RPL11: variants seen among roughly 807,000 people sequenced by gnomAD.
RPL11 encodes large ribosomal subunit protein uL5.
Under a neutral mutation model 24.1 loss-of-function variants are expected in RPL11, and 3 were observed. That is an observed-to-expected ratio of 0.12 (90% CI 0.06 to 0.32). The LOEUF is 0.32. Ranked by LOEUF, RPL11 falls within the 10% of genes least tolerant of loss-of-function variation. The pLI, the probability that RPL11 is intolerant of heterozygous loss-of-function variation, is 1.00. For synonymous variants in RPL11, 96 were observed against 75.7 expected (o/e 1.27, Z -1.39); for missense variants, 146 against 225.7 (o/e 0.65, Z 2.26).
At chr1:23,693,092 T>TA in intron 2 of RPL11, among the ~76,000 whole-genome samples, 1 of 152,214 alleles carries the variant, frequency 6.6e-6, no homozygotes, top group East Asian at 1.9e-4. Context: ...TAGGCTGCAT[T>TA]AAGAACAGGG....
In RPL11 at chr1:23,696,400, T is replaced by C. The variant is rs1644532983; in HGVS notation, c.*27T>C. The C allele has an allele frequency of 6.2e-7, 1 of 1,609,116 alleles. No individual in the cohort carries two copies. Among genetic ancestry groups the C allele is most frequent in the African/African-American group, 1.3e-5 (1 of 74,840 alleles). On this transcript the variant is annotated 3_prime_UTR_variant, in exon 6 of 6. Coordinates refer to ENST00000643754, the MANE Select transcript of RPL11 (RefSeq NM_000975.5). ...TTCCCGTTTCTATCCAAAAGAGCAA[T>C]AAAAAGTTTTCAGTGAAATGTGCAA...
chr1:23,692,340 G>A, intron 1 of RPL11: 1 of 471,114 alleles, frequency 2.1e-6, no homozygotes. Flanking sequence ...GTTACCCTGA[G>A]CCTCTTAGGG....
intron 4 of RPL11, 173 bp from the exon 5 acceptor site, chr1:23,695,625 T>C: frequency 1.5e-6 from 1 of 675,300 alleles, no homozygotes; most frequent in South Asian, 1.7e-5. Flanking sequence ...AGTATGGCTG[T>C]GTGTTGCGTG....
chr1:23,695,662 A>G (rs898613858), intron 4 of RPL11, 136 bp from the exon 5 acceptor site: 12 of 817,608 alleles, frequency 1.5e-5, no homozygotes, highest in Non-Finnish European at 2.5e-5. Flanking sequence ...TTTGTCAGAC[A>G]CAGATCATGG....
At chr1:23,692,289 G>T in intron 1 of RPL11, 1 of 422,798 alleles carries the variant, frequency 2.4e-6, no homozygotes, top group Non-Finnish European at 4.4e-6. Context: ...CTGTTTCTTC[G>T]CTCACTCCCC....
In RPL11 at chr1:23,692,053, G is replaced by A. The variant is rs1197246677; in HGVS notation, c.6+224G>A. 1.4e-5 allele frequency: 9 copies of A among 634,516 alleles called. No individual in the cohort carries two copies. The East Asian group carries it at 2.2e-4, about 15-fold the overall frequency. The allele number at this position is 634,516 out of a possible 1,614,324, so 39.3% of individuals were successfully genotyped here. ...TCCGGGCACTTGCCCGGAGTGCTCA[G>A]AAGCACGGTCAGGAGGCTGCAGCGG... is the stretch of plus-strand genomic sequence containing the variant. On this transcript the variant is annotated intron_variant, in intron 1 of 5. Transcript: ENST00000643754.
intron 4 of RPL11, 61 bp from the exon 5 acceptor site, chr1:23,695,737 T>C (rs750194555): frequency 7.0e-7 from 1 of 1,427,234 alleles, no homozygotes; most frequent in Non-Finnish European, 9.7e-7. Flanking sequence ...AATGTGTGAG[T>C]CTTGTCCATC....
rs570623147 is a variant in RPL11, at chr1:23,694,049, A to G, written c.264+136A>G. 3.2e-4 allele frequency: 231 copies of G among 732,700 alleles called. 1 individual carries two copies. The South Asian group carries it at 3.4e-3, about 11-fold the overall frequency. The allele number at this position is 732,700 out of a possible 1,614,324, so 45.4% of individuals were successfully genotyped here. On this transcript the variant is annotated intron_variant, in intron 3 of 5. Transcript: ENST00000643754. ...AAGCTTCTAAAAGGCTTTTTCTACA[A>G]TCAGCAGGGTTAAACTGTTCTTGGT...
In RPL11 at chr1:23,696,775, C is replaced by T. The variant is rs12403834; in HGVS notation, c.*402C>T. On this transcript the variant is annotated 3_prime_UTR_variant, in exon 6 of 6. Coordinates refer to ENST00000643754, the MANE Select transcript of RPL11 (RefSeq NM_000975.5). ...ACTAGAAATTTTATCAGCATTGATG[C>T]GTCATGAAGGAATGACAGGCTTTGG... 103,506 of 283,926 alleles carry T rather than the reference C, an allele frequency of 0.36. 20,253 individuals carry two copies. The highest frequency in any genetic ancestry group is 0.56 in the East Asian group (6,429 of 11,568). The allele number at this position is 283,926 out of a possible 1,614,324, so 17.6% of individuals were successfully genotyped here. A position where few individuals can be genotyped will look rare whatever the true frequency, so the allele number is the denominator to read the frequency against.
chr1:23,694,942 T>A, intron 4 of RPL11, 151 bp downstream of exon 4: 2 of 1,234,274 alleles, frequency 1.6e-6, no homozygotes, highest in Non-Finnish European at 1.2e-6. Context: ...ATGTGCCTCA[T>A]TTGTGGCAAA....
chr1:23,692,407 C>T (rs939064858), intron 1 of RPL11: 6 of 607,974 alleles, frequency 9.9e-6, no homozygotes, highest in African/African-American at 3.7e-5. Flanking sequence ...GTTTTCTCTT[C>T]ACCCGTTCCG....
rs766146216 is a variant in RPL11, at chr1:23,696,330, C to A, written c.508-14C>A. On this transcript the variant is annotated splice_polypyrimidine_tract_variant and intron_variant, in intron 5 of 5. Transcript: ENST00000643754. ...GCCTCCTGTTCTGAAAAAATTAAAT[C>A]TCTTCTCTTTCAGTATGATGGGATC... The A allele has an allele frequency of 2.5e-6, 4 of 1,613,620 alleles. No individual in the cohort carries two copies. The highest frequency in any genetic ancestry group is 2.2e-5 in the East Asian group (1 of 44,878).
chr1:23,695,051 G>A, intron 4 of RPL11: 2 of 512,158 alleles, frequency 3.9e-6, no homozygotes, highest in Non-Finnish European at 7.1e-6. Flanking sequence ...AAAGGTGGAT[G>A]AAGGAAACTG....
rs371228733 is a variant in RPL11 at position 23,695,794 on chromosome 1, A to T, written c.397-4A>T. 1 of 1,581,144 alleles carries T rather than the reference A, an allele frequency of 6.3e-7. No homozygotes were observed. Among genetic ancestry groups the T allele is most frequent in the Non-Finnish European group, 8.6e-7 (1 of 1,163,628 alleles). ...TAGGTGACTGTTGGTTATTCCTGGG[A>T]CAGGTGCTGGGTAGGCCAGGTTTCA... On this transcript the variant is annotated splice_polypyrimidine_tract_variant and splice_region_variant and intron_variant, in intron 4 of 5. Transcript: ENST00000643754.
Position 23,691,841 on chromosome 1 carries a change from G to C in RPL11, c.6+12G>C, listed in dbSNP as rs767382057. 9 of 1,614,114 alleles carry C rather than the reference G, an allele frequency of 5.6e-6. No individual in the cohort carries two copies. The African/African-American group carries it at 1.1e-4, about 19-fold the overall frequency. ...TCTCCATCATGGCGGTGAGTAGCTG[G>C]GACCTGGATTTGCTTTCCTTTATCC... On this transcript the variant is annotated intron_variant, in intron 1 of 5. Coordinates refer to ENST00000643754, the MANE Select transcript of RPL11 (RefSeq NM_000975.5).
Position 23,696,571 on chromosome 1 carries a change from C to A in RPL11, c.*198C>A. The A allele has an allele frequency of 1.5e-6, 1 of 646,486 alleles. No homozygotes were observed. The highest frequency in any genetic ancestry group is 1.8e-5 in the South Asian group (1 of 55,940). 40.0% of individuals were successfully genotyped at this position (646,486 alleles called of 1,614,324 possible). A position where few individuals can be genotyped will look rare whatever the true frequency, so the allele number is the denominator to read the frequency against. Reference sequence around the variant, plus strand: ...ATTTCCTGGCAGATCCAAGTCCAAGCTTCATAGCATTCATTGCCTGTGCTT... The same window carrying A: ...ATTTCCTGGCAGATCCAAGTCCAAGATTCATAGCATTCATTGCCTGTGCTT... On this transcript the variant is annotated 3_prime_UTR_variant, in exon 6 of 6. Coordinates refer to ENST00000643754, the MANE Select transcript of RPL11 (RefSeq NM_000975.5).
At chr1:23,692,212 A>G in intron 1 of RPL11, 1 of 437,616 alleles carries the variant, frequency 2.3e-6, no homozygotes. Flanking sequence ...CAGCCTTTAG[A>G]CAGCTTCCGA....
chr1:23,692,393 C>A, intron 1 of RPL11: 1 of 572,632 alleles, frequency 1.7e-6, no homozygotes, highest in Non-Finnish European at 3.1e-6. Context: ...AATAACTGTC[C>A]TGAGTTTTCT....
chr1:23,691,972 G>C, intron 1 of RPL11, 143 bp downstream of exon 1: 1 of 1,111,334 alleles, frequency 9.0e-7, no homozygotes, highest in Non-Finnish European at 1.4e-6. Context: ...AGCCGTTCGA[G>C]CCAAGGACGC....
Sources: gnomAD v4.1 joint callset for allele counts (sites outside exome capture counted in the v4.1 genomes callset) on GRCh38, gnomAD v4.1.1 for gene constraint, MANE v1.5 for transcripts, NCBI Gene and HGNC (gene_info 2026-07-23, HGNC 2026-07-21) for gene names.